The following AUTS2 variants were observed in gnomAD, a reference collection of about 807,000 sequenced individuals.
The protein encoded by AUTS2 is activator of transcription and developmental regulator AUTS2.
AUTS2 carries 17 observed loss-of-function variants against 112.4 expected under a neutral mutation model. That is an observed-to-expected ratio of 0.15 (90% CI 0.10 to 0.23). The LOEUF is 0.23. Ranked by LOEUF, AUTS2 falls within the 10% of genes least tolerant of loss-of-function variation. The pLI, the probability that AUTS2 is intolerant of heterozygous loss-of-function variation, is 1.00. For synonymous variants in AUTS2, 751 were observed against 702.7 expected, an observed-to-expected ratio of 1.07 and a Z score of -1.09; for missense variants, 1,510 against 1,701.6, an observed-to-expected ratio of 0.89 and a Z score of 1.98.
chr7:70,368,196 C>A (rs547371632), intron 4 of AUTS2, among the ~76,000 whole-genome samples: 1 of 152,148 alleles, frequency 6.6e-6, no homozygotes, highest in African/African-American at 2.4e-5. Flanking sequence ...TTAGTACTAC[C>A]TACCTCTTGG....
intron 5 of AUTS2, among the ~76,000 whole-genome samples, chr7:70,693,073 T>C (rs1386407975): frequency 3.3e-5 from 5 of 152,188 alleles, no homozygotes; most frequent in Non-Finnish European, 5.9e-5. Flanking sequence ...CTTTTTCTTG[T>C]ACTAGGAAAA....
At chr7:70,430,323 G>A (rs1443221684) in intron 4 of AUTS2, among the ~76,000 whole-genome samples, 5 of 152,096 alleles carry the variant, frequency 3.3e-5, no homozygotes, top group African/African-American at 7.2e-5. Context: ...CTGAGTGTTC[G>A]CTGCACTTCA....
intron 2 of AUTS2, among the ~76,000 whole-genome samples, chr7:70,006,564 C>G (rs1799553075): frequency 6.6e-6 from 1 of 152,150 alleles, no homozygotes; most frequent in Non-Finnish European, 1.5e-5. Flanking sequence ...CAACATCTTG[C>G]TACTTCTTGC....
intron 5 of AUTS2, among the ~76,000 whole-genome samples, chr7:70,638,446 G>A (rs1044322401): frequency 1.3e-5 from 2 of 152,166 alleles, no homozygotes; most frequent in African/African-American, 4.8e-5. Context: ...GATTCAGGGG[G>A]CCAAACTTTG....
chr7:70,642,996 G>A (rs141219209), intron 5 of AUTS2, among the ~76,000 whole-genome samples: 163 of 152,300 alleles, frequency 1.1e-3, no homozygotes, highest in Middle Eastern at 6.8e-3. Context: ...GAAATGTTAC[G>A]ACCACCCTTC....
chr7:70,000,604 GAAAT>G (rs1403975712), intron 2 of AUTS2, among the ~76,000 whole-genome samples: 1 of 152,152 alleles, frequency 6.6e-6, no homozygotes, highest in Non-Finnish European at 1.5e-5. Flanking sequence ...GTAGGAGAGA[GAAAT>G]AATTCAATTC....
At chr7:70,645,971 A>G (rs1329256948) in intron 5 of AUTS2, among the ~76,000 whole-genome samples, 3 of 152,192 alleles carry the variant, frequency 2.0e-5, no homozygotes, top group Non-Finnish European at 4.4e-5. Context: ...TAACAGAGGC[A>G]TCCGTGCGTC....
chr7:70,351,991 C>T (rs1425824814), intron 4 of AUTS2, among the ~76,000 whole-genome samples: 1 of 152,200 alleles, frequency 6.6e-6, no homozygotes, highest in African/African-American at 2.4e-5. Flanking sequence ...GCATGAGCTA[C>T]CAGGCCCAGC....
At chr7:70,709,362 G>C (rs887354548) in intron 6 of AUTS2, among the ~76,000 whole-genome samples, 2 of 152,156 alleles carry the variant, frequency 1.3e-5, no homozygotes, top group African/African-American at 4.8e-5. Flanking sequence ...ATGAGAAACT[G>C]GGGGGTGGCC....
intron 1 of AUTS2, among the ~76,000 whole-genome samples, chr7:69,877,746 G>A (rs1428170666): frequency 3.3e-5 from 5 of 152,134 alleles, no homozygotes; most frequent in Non-Finnish European, 7.4e-5. Flanking sequence ...TCGCTTAGGA[G>A]AAAAACACAT....
chr7:70,514,354 G>A (rs6978484), intron 5 of AUTS2, among the ~76,000 whole-genome samples: 5,859 of 152,252 alleles, frequency 0.038, 185 homozygotes, highest in African/African-American at 0.084. Context: ...AGGTTTATTC[G>A]GCTTATGGTT....
intron 2 of AUTS2, among the ~76,000 whole-genome samples, chr7:69,937,334 T>C (rs1050698054): frequency 2.0e-5 from 3 of 152,200 alleles, no homozygotes; most frequent in Admixed American, 2.0e-4. Context: ...TGAAGCCTTT[T>C]CCTGCCGTCG....
intron 5 of AUTS2, among the ~76,000 whole-genome samples, chr7:70,579,118 AG>A (rs933264005): frequency 1.3e-5 from 2 of 150,856 alleles, no homozygotes; most frequent in African/African-American, 2.4e-5. Context: ...TAGTAGAAAC[AG>A]GGTTTCACCA....
intron 5 of AUTS2, among the ~76,000 whole-genome samples, chr7:70,549,365 G>T (rs1180084217): frequency 6.6e-6 from 1 of 151,850 alleles, no homozygotes; most frequent in Non-Finnish European, 1.5e-5. Context: ...TCTTTTTCTT[G>T]CCTGATACAG....
intron 5 of AUTS2, among the ~76,000 whole-genome samples, chr7:70,538,398 G>A (rs1800410526): frequency 6.6e-6 from 1 of 152,040 alleles, no homozygotes; most frequent in Non-Finnish European, 1.5e-5. Context: ...TGTGGTGGCA[G>A]GCGGCTGTCT....
intron 1 of AUTS2, among the ~76,000 whole-genome samples, chr7:69,806,903 T>C (rs1015730801): frequency 2.6e-5 from 4 of 152,206 alleles, no homozygotes; most frequent in Non-Finnish European, 5.9e-5. Flanking sequence ...TTCATCAGAT[T>C]TGGTCGCGGG....
intron 4 of AUTS2, among the ~76,000 whole-genome samples, chr7:70,143,063 G>A (rs1418431818): frequency 6.6e-6 from 1 of 152,152 alleles, no homozygotes; most frequent in African/African-American, 2.4e-5. Flanking sequence ...TGCTGAAATT[G>A]TAAATTAGAT....
intron 5 of AUTS2, among the ~76,000 whole-genome samples, chr7:70,505,852 C>T (rs530211405): frequency 1.7e-4 from 26 of 152,290 alleles, no homozygotes; most frequent in African/African-American, 5.5e-4. Flanking sequence ...CCTGGCAGGC[C>T]GGGATGGGGA....
intron 1 of AUTS2, among the ~76,000 whole-genome samples, chr7:69,767,254 A>G (rs937671429): frequency 2.6e-5 from 4 of 151,130 alleles, no homozygotes; most frequent in African/African-American, 9.8e-5. Context: ...ATCATGGCTC[A>G]CTGCAGCCTC....
Sources: gnomAD v4.1 joint callset for allele counts (sites outside exome capture counted in the v4.1 genomes callset) on GRCh38, gnomAD v4.1.1 for gene constraint, MANE v1.5 for transcripts, NCBI Gene and HGNC (gene_info 2026-07-23, HGNC 2026-07-21) for gene names.